SPOPL: variants seen among roughly 807,000 people sequenced by gnomAD.
SPOPL encodes the protein speckle-type POZ protein-like.
In SPOPL, 23 loss-of-function variants were observed where a neutral mutation model predicts 53.8. That is an observed-to-expected ratio of 0.43 (90% CI 0.31 to 0.61). The LOEUF (loss-of-function observed/expected upper bound fraction) is 0.61, where lower values mean the gene tolerates loss of function less well. SPOPL is among the 20% of genes least tolerant of loss of function. The pLI is 0.12. For missense variants in SPOPL, 442 were observed against 466.9 expected (o/e 0.95, Z 0.49); for synonymous variants, 164 against 149.7 (o/e 1.10, Z -0.70).
chr2:138,562,400 T>C (rs1165895582), intron 8 of SPOPL, among the ~76,000 whole-genome samples: 2 of 152,154 alleles, frequency 1.3e-5, no homozygotes, highest in Admixed American at 1.3e-4. Flanking sequence ...TTGACAAAAG[T>C]GCAAAGACAG....
chr2:138,510,821 TA>T (rs1289072131), intron 1 of SPOPL, among the ~76,000 whole-genome samples: 1 of 152,286 alleles, frequency 6.6e-6, no homozygotes, highest in East Asian at 1.9e-4. Flanking sequence ...AAAAATGAAA[TA>T]AAATTAACAG....
chr2:138,545,767 A>G (rs1353574881), intron 1 of SPOPL, among the ~76,000 whole-genome samples: 1 of 152,160 alleles, frequency 6.6e-6, no homozygotes, highest in African/African-American at 2.4e-5. Context: ...TCAGTTCCAG[A>G]GTTTCAAACA....
intron 1 of SPOPL, among the ~76,000 whole-genome samples, chr2:138,545,183 A>G (rs1685166682): frequency 1.3e-5 from 2 of 152,280 alleles, no homozygotes; most frequent in East Asian, 1.9e-4. Context: ...AGACTGGTCA[A>G]AGTACATTAC....
intron 5 of SPOPL, among the ~76,000 whole-genome samples, chr2:138,556,444 C>G (rs1487707469): frequency 1.3e-5 from 2 of 152,158 alleles, no homozygotes; most frequent in African/African-American, 4.8e-5. Flanking sequence ...ATGTATCATG[C>G]AAGCCATTGA....
intron 1 of SPOPL, among the ~76,000 whole-genome samples, chr2:138,532,847 G>T (rs1473604819): frequency 6.6e-6 from 1 of 151,976 alleles, no homozygotes; most frequent in African/African-American, 2.4e-5. Flanking sequence ...TGCTTGAGCA[G>T]CTCTAGATAC....
In SPOPL at chr2:138,568,125, T is replaced by C. The variant is rs182246955; in HGVS notation, c.1035-811T>C. Reference sequence around the variant, plus strand: ...TATTTGTGTTACCAAGGGAACATTATGGAAGCTTGGTTTAAGAGGAGCAGG... The same window carrying C: ...TATTTGTGTTACCAAGGGAACATTACGGAAGCTTGGTTTAAGAGGAGCAGG... On this transcript the variant is annotated intron_variant, in intron 10 of 10. Transcript: ENST00000280098. Among the ~76,000 whole-genome samples the C allele has an allele frequency of 1.6e-3, 238 of 152,302 alleles. 1 individual carries two copies. The highest frequency in any genetic ancestry group is 5.4e-3 in the African/African-American group (225 of 41,564).
intron 5 of SPOPL, among the ~76,000 whole-genome samples, chr2:138,555,892 T>C (rs1685414336): frequency 6.6e-6 from 1 of 152,170 alleles, no homozygotes; most frequent in Admixed American, 6.5e-5. Context: ...CTCTTTTTTT[T>C]TTTGAAAGAA....
intron 1 of SPOPL, among the ~76,000 whole-genome samples, chr2:138,509,758 T>C (rs149087054): frequency 1.3e-5 from 2 of 152,306 alleles, no homozygotes; most frequent in East Asian, 3.9e-4. Context: ...TGAATCTGCA[T>C]TGACCCATCA....
intron 1 of SPOPL, among the ~76,000 whole-genome samples, chr2:138,541,699 T>C (rs1242310921): frequency 1.3e-5 from 2 of 152,320 alleles, no homozygotes; most frequent in Non-Finnish European, 2.9e-5. Context: ...CCTGGATTCA[T>C]TGATTTTTTT....
At chr2:138,520,266 A>C (rs1267523436) in intron 1 of SPOPL, among the ~76,000 whole-genome samples, 1 of 152,208 alleles carries the variant, frequency 6.6e-6, no homozygotes, top group Non-Finnish European at 1.5e-5. Context: ...CATTGCTGAA[A>C]TTTGCAAAAC....
At chr2:138,533,083 A>C (rs1296741133) in intron 1 of SPOPL, among the ~76,000 whole-genome samples, 1 of 152,038 alleles carries the variant, frequency 6.6e-6, no homozygotes, top group East Asian at 1.9e-4. Flanking sequence ...TCCAGTACTC[A>C]CTTTGTGCTA....
chr2:138,539,109 A>G (rs1573890257), intron 1 of SPOPL, among the ~76,000 whole-genome samples: 1 of 152,166 alleles, frequency 6.6e-6, no homozygotes, highest in African/African-American at 2.4e-5. Context: ...ATAGTATTCC[A>G]TGTTGTATAT....
Position 138,501,809 on chromosome 2 carries a change from C to T in SPOPL, c.-371C>T, listed in dbSNP as rs1684096378. The T allele has an allele frequency of 6.5e-6, 1 of 154,374 alleles. No individual in the cohort carries two copies. Among genetic ancestry groups the T allele is most frequent in the African/African-American group, 2.4e-5 (1 of 41,398 alleles). The allele number at this position is 154,374 out of a possible 1,614,324, so 9.6% of individuals were successfully genotyped here. ...GCTGGAGCCGGGGCTGGAGTCGTAA[C>T]TCGGAAGCCGGAGCCCAGACGGGCC... On this transcript the variant is annotated 5_prime_UTR_variant, in exon 1 of 11. Coordinates refer to ENST00000280098, the MANE Select transcript of SPOPL (RefSeq NM_001001664.3).
At chr2:138,541,770 T>A (rs1685077320) in intron 1 of SPOPL, among the ~76,000 whole-genome samples, 1 of 152,222 alleles carries the variant, frequency 6.6e-6, no homozygotes, top group Non-Finnish European at 1.5e-5. Flanking sequence ...ATTTCTTGCC[T>A]TCTGCTAGCT....
intron 1 of SPOPL, among the ~76,000 whole-genome samples, chr2:138,506,883 G>A (rs1181108509): frequency 6.6e-6 from 1 of 152,064 alleles, no homozygotes; most frequent in Non-Finnish European, 1.5e-5. Flanking sequence ...AAGATAAGGG[G>A]TCTTATGAGT....
chr2:138,518,775 G>T (rs975989165), intron 1 of SPOPL, among the ~76,000 whole-genome samples: 1 of 152,208 alleles, frequency 6.6e-6, no homozygotes, highest in Admixed American at 6.5e-5. Context: ...TTAATAGCTG[G>T]TGTATACCTG....
At chr2:138,504,719 A>G (rs931579481) in intron 1 of SPOPL, among the ~76,000 whole-genome samples, 1 of 152,146 alleles carries the variant, frequency 6.6e-6, no homozygotes, top group Non-Finnish European at 1.5e-5. Flanking sequence ...CTAGAATAGT[A>G]CTAGCTACGT....
chr2:138,534,567 A>G (rs1684886672), intron 1 of SPOPL, among the ~76,000 whole-genome samples: 1 of 152,208 alleles, frequency 6.6e-6, no homozygotes, highest in African/African-American at 2.4e-5. Context: ...ATATGTGCAT[A>G]TGGACTTCTA....
intron 5 of SPOPL, among the ~76,000 whole-genome samples, chr2:138,558,043 C>G (rs1473922299): frequency 6.6e-6 from 1 of 152,032 alleles, no homozygotes; most frequent in East Asian, 1.9e-4. Flanking sequence ...ACCTGTAATC[C>G]CAGCTACTCA....
Sources: allele counts gnomAD v4.1 joint callset (sites outside exome capture counted in the v4.1 genomes callset), GRCh38; gene constraint gnomAD v4.1.1; transcripts MANE v1.5; gene names NCBI Gene and HGNC (gene_info 2026-07-23, HGNC 2026-07-21).